The following PDE4B variants were observed in gnomAD, a reference collection of about 807,000 sequenced individuals.
PDE4B encodes the protein 3',5'-cyclic-AMP phosphodiesterase 4B.
PDE4B carries 20 observed loss-of-function variants against 82.2 expected under a neutral mutation model. That is an observed-to-expected ratio of 0.24 (90% CI 0.17 to 0.35). The LOEUF is 0.35. PDE4B is among the 10% of genes least tolerant of loss of function. The probability of loss-of-function intolerance (pLI) is 1.00; values close to 1 mark genes in which losing one functional copy is unlikely to be tolerated. For synonymous variants in PDE4B, 320 were observed against 318.9 expected (o/e 1.00, Z -0.04); for missense variants, 655 against 907.2 (o/e 0.72, Z 3.57).
At chr1:66,120,374 T>C (rs1645685121) in intron 3 of PDE4B, among the ~76,000 whole-genome samples, 1 of 152,134 alleles carries the variant, frequency 6.6e-6, no homozygotes, top group Admixed American at 6.6e-5. Flanking sequence ...TTAATTGAAG[T>C]ACATTCTCCT....
intron 9 of PDE4B, among the ~76,000 whole-genome samples, chr1:66,356,037 ATGATGTTT>A: frequency 6.6e-6 from 1 of 152,278 alleles, no homozygotes; most frequent in Non-Finnish European, 1.5e-5. Context: ...GGTTTCCTCT[ATGATGTTT>A]TGTAGGGGAT....
intron 8 of PDE4B, among the ~76,000 whole-genome samples, chr1:66,335,080 C>T (rs544880146): frequency 1.3e-5 from 2 of 152,342 alleles, no homozygotes; most frequent in South Asian, 2.1e-4. Flanking sequence ...AAAACTTTAT[C>T]ATGATCATCA....
chr1:65,915,508 A>G (rs889548779), intron 2 of PDE4B, among the ~76,000 whole-genome samples: 1 of 152,206 alleles, frequency 6.6e-6, no homozygotes, highest in Non-Finnish European at 1.5e-5. Context: ...GAGTTTAACC[A>G]AAAGAATTCA....
In PDE4B at chr1:65,838,525, GTA is replaced by G. The variant is rs200139362; in HGVS notation, c.-71+45285_-71+45286del. Among the ~76,000 whole-genome samples the G allele has an allele frequency of 3.6e-3, 522 of 146,770 alleles. 3 individuals are homozygous for G. Among genetic ancestry groups the G allele is most frequent in the African/African-American group, 0.012 (486 of 40,184 alleles). On this transcript the variant is annotated intron_variant, in intron 1 of 16. Transcript: ENST00000341517. ...TACGTATATGTATATATATGTATATGTATATATATGTATGTGTATATATGTAT... is the reference window on the plus strand; with the variant it reads ...TACGTATATGTATATATATGTATATGTATATATGTATGTGTATATATGTAT...
intron 1 of PDE4B, among the ~76,000 whole-genome samples, chr1:65,840,929 T>A (rs1646199765): frequency 6.6e-6 from 1 of 152,196 alleles, no homozygotes; most frequent in African/African-American, 2.4e-5. Context: ...ATTTTGTAAA[T>A]GAAACAGAAT....
At chr1:66,286,458 A>G (rs1656683429) in intron 7 of PDE4B, among the ~76,000 whole-genome samples, 1 of 152,140 alleles carries the variant, frequency 6.6e-6, no homozygotes, top group South Asian at 2.1e-4. Flanking sequence ...TCTATGACTG[A>G]TATTTTGTGG....
At chr1:66,026,878 T>A (rs1004975357) in intron 3 of PDE4B, among the ~76,000 whole-genome samples, 3 of 152,212 alleles carry the variant, frequency 2.0e-5, no homozygotes, top group African/African-American at 7.2e-5. Context: ...GGTGTGTGCG[T>A]CACCTTGCAA....
chr1:66,206,335 G>T (rs570799164), intron 3 of PDE4B, among the ~76,000 whole-genome samples: 1 of 152,250 alleles, frequency 6.6e-6, no homozygotes, highest in African/African-American at 2.4e-5. Context: ...CAACAGGAGA[G>T]TGTCTAGGCT....
chr1:66,105,300 T>C (rs1242407484), intron 3 of PDE4B, among the ~76,000 whole-genome samples: 14 of 151,336 alleles, frequency 9.3e-5, no homozygotes, highest in Admixed American at 9.2e-4. Context: ...TTGATCTATA[T>C]CTCTGTTTTG....
intron 1 of PDE4B, among the ~76,000 whole-genome samples, chr1:65,878,908 T>C (rs1218825315): frequency 6.6e-6 from 1 of 152,078 alleles, no homozygotes; most frequent in East Asian, 1.9e-4. Flanking sequence ...TAAAAAAAAT[T>C]ATAAAGACAA....
intron 1 of PDE4B, among the ~76,000 whole-genome samples, chr1:65,865,297 GTTCT>G (rs1646498260): frequency 6.6e-6 from 1 of 152,154 alleles, no homozygotes; most frequent in Non-Finnish European, 1.5e-5. Context: ...CAAGCCAGTG[GTTCT>G]TAGCTAGATG....
chr1:65,860,387 T>A (rs1479031371), intron 1 of PDE4B, among the ~76,000 whole-genome samples: 4 of 152,232 alleles, frequency 2.6e-5, no homozygotes, highest in African/African-American at 9.6e-5. Flanking sequence ...CATCCTTTTT[T>A]ATGGCTGCAT....
chr1:66,021,602 G>T (rs1364165274), intron 3 of PDE4B, among the ~76,000 whole-genome samples: 6 of 152,106 alleles, frequency 3.9e-5, no homozygotes, highest in Non-Finnish European at 7.4e-5. Flanking sequence ...GTTTTTGTCA[G>T]GTTTGTCAAA....
intron 3 of PDE4B, among the ~76,000 whole-genome samples, chr1:66,022,341 C>CTA (rs1553133795): frequency 1.3e-5 from 2 of 151,698 alleles, no homozygotes; most frequent in Admixed American, 6.6e-5. Context: ...ACTTCCAACA[C>CTA]TGTTGAATAG....
At chr1:66,245,895 C>A (rs1653275244) in intron 3 of PDE4B, among the ~76,000 whole-genome samples, 1 of 152,196 alleles carries the variant, frequency 6.6e-6, no homozygotes, top group Non-Finnish European at 1.5e-5. Context: ...ATTTCTTCTC[C>A]TCATGTTTCA....
intron 3 of PDE4B, among the ~76,000 whole-genome samples, chr1:66,177,180 C>A (rs914582910): frequency 3.9e-5 from 6 of 152,330 alleles, no homozygotes; most frequent in African/African-American, 1.4e-4. Context: ...ATGGGCAGGA[C>A]TGGCTCAGAG....
chr1:66,231,533 C>G (rs1480974313), intron 3 of PDE4B, among the ~76,000 whole-genome samples: 1 of 152,158 alleles, frequency 6.6e-6, no homozygotes, highest in Non-Finnish European at 1.5e-5. Context: ...ATAAATCAAC[C>G]CTTCAAATGA....
intron 3 of PDE4B, among the ~76,000 whole-genome samples, chr1:65,924,525 T>C (rs1647399127): frequency 6.6e-6 from 1 of 152,260 alleles, no homozygotes; most frequent in Non-Finnish European, 1.5e-5. Context: ...CCCTGCTATC[T>C]ATTACTGCAT....
intron 7 of PDE4B, among the ~76,000 whole-genome samples, chr1:66,296,048 G>GA (rs1422822462): frequency 1.3e-5 from 2 of 152,094 alleles, no homozygotes; most frequent in African/African-American, 4.8e-5. Context: ...AATGCCCGCT[G>GA]GTTTAGACCC....
Sources: gnomAD v4.1 joint callset for allele counts (sites outside exome capture counted in the v4.1 genomes callset) on GRCh38, gnomAD v4.1.1 for gene constraint, MANE v1.5 for transcripts, NCBI Gene and HGNC (gene_info 2026-07-23, HGNC 2026-07-21) for gene names.